Variants in SHISAL1 observed in about 807,000 individuals in gnomAD.
SHISAL1 encodes the protein protein shisa-like-1.
In SHISAL1, 9 loss-of-function variants were observed where a neutral mutation model predicts 22.6. The observed-to-expected ratio is 0.40, with a 90% confidence interval of 0.24 to 0.70. The LOEUF (loss-of-function observed/expected upper bound fraction) is 0.70, where lower values mean the gene tolerates loss of function less well. Among genes scored for constraint, SHISAL1 ranks in the 30% least tolerant of loss-of-function variants. SHISAL1 has a pLI of 0.39. For missense variants in SHISAL1, 246 were observed against 270.6 expected, an observed-to-expected ratio of 0.91 and a Z score of 0.64; for synonymous variants, 119 against 115.4, an observed-to-expected ratio of 1.03 and a Z score of -0.20.
At chr22:44,268,850 C>G (rs1057467308) in intron 4 of SHISAL1, among the ~76,000 whole-genome samples, 2 of 152,108 alleles carry the variant, frequency 1.3e-5, no homozygotes, top group African/African-American at 2.4e-5. Flanking sequence ...TGGGGCCCAG[C>G]CTTGGCCCAT....
rs2055529990 is a variant in SHISAL1, at chr22:44,312,837, G to A, written c.-119C>T. 1 of 152,316 alleles carries A rather than the reference G, an allele frequency of 6.6e-6. No individual in the cohort carries two copies. Among genetic ancestry groups the A allele is most frequent in the Admixed American group, 6.5e-5 (1 of 15,286 alleles). The allele number at this position is 152,316 out of a possible 1,614,324, so 9.4% of individuals were successfully genotyped here. A position where few individuals can be genotyped will look rare whatever the true frequency, so the allele number is the denominator to read the frequency against. On this transcript the variant is annotated 5_prime_UTR_variant, in exon 1 of 5. Transcript: ENST00000381176. Reference sequence around the variant, plus strand: ...CTGCTGGCCTCTTCCCCGGCTCCTGGTTGCCACCAACCTTAAACCCCAATA... The same window carrying A: ...CTGCTGGCCTCTTCCCCGGCTCCTGATTGCCACCAACCTTAAACCCCAATA...
the SHISAL1 span, among the ~76,000 whole-genome samples, chr22:44,327,230 T>TGG: frequency 7.5e-6 from 1 of 132,480 alleles, no homozygotes; most frequent in Non-Finnish European, 1.7e-5. Context: ...CTGTGGAGAG[T>TGG]GGGGGGCGCG....
intron 4 of SHISAL1, among the ~76,000 whole-genome samples, chr22:44,250,268 C>T (rs1229120906): frequency 6.6e-6 from 1 of 152,178 alleles, no homozygotes; most frequent in Non-Finnish European, 1.5e-5. Context: ...AACACAGATA[C>T]AGATACCATT....
At chr22:44,302,079 C>T (rs997974269) in intron 1 of SHISAL1, among the ~76,000 whole-genome samples, 22 of 152,108 alleles carry the variant, frequency 1.4e-4, no homozygotes, top group African/African-American at 4.1e-4. Flanking sequence ...ACCACCCAGG[C>T]GTTGTAATCC....
the SHISAL1 span, among the ~76,000 whole-genome samples, chr22:44,323,473 CATTCAT>C: frequency 1.8e-5 from 2 of 113,584 alleles, no homozygotes; most frequent in African/African-American, 3.4e-5. Flanking sequence ...TCCATCCATC[CATTCAT>C]TCATCCATCC....
chr22:44,298,815 T>C (rs1027848456), intron 2 of SHISAL1, among the ~76,000 whole-genome samples: 1 of 152,156 alleles, frequency 6.6e-6, no homozygotes, highest in African/African-American at 2.4e-5. Context: ...GGAAGGGTCC[T>C]GCCCATTACC....
At chr22:44,266,783 C>G (rs2055167282) in intron 4 of SHISAL1, among the ~76,000 whole-genome samples, 1 of 152,102 alleles carries the variant, frequency 6.6e-6, no homozygotes, top group African/African-American at 2.4e-5. Context: ...CCCTCATACC[C>G]CACTCAGCTC....
the SHISAL1 span, among the ~76,000 whole-genome samples, chr22:44,329,192 C>T: frequency 6.6e-6 from 1 of 152,198 alleles, no homozygotes; most frequent in Non-Finnish European, 1.5e-5. Flanking sequence ...AGCCGAGGCC[C>T]TTCAGCACAG....
rs1019887685 is a variant in SHISAL1, at chr22:44,301,125, C to G, written c.-32-148G>C. 7.1e-6 allele frequency: 4 copies of G among 563,918 alleles called. No homozygotes were observed. The Admixed American group carries it at 9.4e-5, about 13-fold the overall frequency. 34.9% of individuals were successfully genotyped at this position (563,918 alleles called of 1,614,324 possible). A position where few individuals can be genotyped will look rare whatever the true frequency, so the allele number is the denominator to read the frequency against. On this transcript the variant is annotated intron_variant, in intron 1 of 4. Coordinates refer to ENST00000381176, the MANE Select transcript of SHISAL1 (RefSeq NM_001099294.2). ...GGCCGGGTGCGGACGATGGAGATGC[C>G]GCCATCCAATTTCCTTTCTGGAATG...
intron 4 of SHISAL1, among the ~76,000 whole-genome samples, chr22:44,268,547 G>A (rs2055182126): frequency 6.6e-6 from 1 of 152,190 alleles, no homozygotes; most frequent in Admixed American, 6.5e-5. Flanking sequence ...GGAACGAGGT[G>A]CCGGGACTCC....
At chr22:44,322,518 C>A in the SHISAL1 span, among the ~76,000 whole-genome samples, 1 of 152,240 alleles carries the variant, frequency 6.6e-6, no homozygotes, top group Non-Finnish European at 1.5e-5. Flanking sequence ...AGCCCAAACA[C>A]CTCCCTTGAC....
At chr22:44,259,444 G>T (rs1385892504) in intron 4 of SHISAL1, among the ~76,000 whole-genome samples, 2 of 142,770 alleles carry the variant, frequency 1.4e-5, no homozygotes, top group East Asian at 4.0e-4. Flanking sequence ...TCTAAAAATA[G>T]AATAGAATAA....
chr22:44,320,818 G>A, the SHISAL1 span, among the ~76,000 whole-genome samples: 1 of 152,224 alleles, frequency 6.6e-6, no homozygotes, highest in Non-Finnish European at 1.5e-5. Flanking sequence ...CGTCCCTAGA[G>A]GGGAAGGCTT....
chr22:44,302,369 AG>A (rs2055437013), intron 1 of SHISAL1, among the ~76,000 whole-genome samples: 1 of 144,398 alleles, frequency 6.9e-6, no homozygotes, highest in African/African-American at 2.6e-5. Flanking sequence ...AGGAGCGGGG[AG>A]GAGTTAAAGT....
chr22:44,270,207 T>C (rs77771919), intron 4 of SHISAL1, among the ~76,000 whole-genome samples: 7,216 of 152,196 alleles, frequency 0.047, 580 homozygotes, highest in African/African-American at 0.16. Flanking sequence ...CACTCTCTCC[T>C]ATCTCGACAA....
At chr22:44,251,138 T>C (rs992257483) in intron 4 of SHISAL1, among the ~76,000 whole-genome samples, 67 of 152,202 alleles carry the variant, frequency 4.4e-4, no homozygotes, top group Admixed American at 2.8e-3. Flanking sequence ...AGTTTATTGT[T>C]TGTCTTCCCC....
upstream of SHISAL1, among the ~76,000 whole-genome samples, chr22:44,317,357 G>C (rs548394820): frequency 2.0e-5 from 3 of 152,374 alleles, no homozygotes; most frequent in South Asian, 6.2e-4. Context: ...TCCGCGCCCA[G>C]GAGGACTCCC....
At chr22:44,321,188 C>T in the SHISAL1 span, among the ~76,000 whole-genome samples, 3 of 152,252 alleles carry the variant, frequency 2.0e-5, no homozygotes, top group Non-Finnish European at 4.4e-5. Context: ...GGGTAATGTC[C>T]AAACCCAGTA....
chr22:44,259,303 T>G (rs537780188), intron 4 of SHISAL1, among the ~76,000 whole-genome samples: 2 of 152,092 alleles, frequency 1.3e-5, no homozygotes, highest in Admixed American at 6.5e-5. Context: ...CTGGGTGCAG[T>G]GGCACACACC....
Sources: allele counts gnomAD v4.1 joint callset (sites outside exome capture counted in the v4.1 genomes callset), GRCh38; gene constraint gnomAD v4.1.1; transcripts MANE v1.5; gene names NCBI Gene and HGNC (gene_info 2026-07-23, HGNC 2026-07-21).